Variants in SHBG observed in about 807,000 individuals in gnomAD.
SHBG encodes sex hormone-binding globulin.
SHBG carries 37 observed loss-of-function variants against 41.9 expected under a neutral mutation model. The ratio of observed to expected loss-of-function variants is 0.88; its 90% CI spans 0.68 to 1.16. SHBG has a LOEUF of 1.16. Among genes scored for constraint, SHBG ranks in the 50% most tolerant of loss-of-function variants. SHBG has a pLI of 0.00. For missense variants in SHBG, 466 were observed against 499.9 expected, an observed-to-expected ratio of 0.93 and a Z score of 0.65; for synonymous variants, 217 against 205.8, an observed-to-expected ratio of 1.05 and a Z score of -0.47.
chr17:7,625,929 T>C (rs1343797180), upstream of SHBG, among the ~76,000 whole-genome samples: 3 of 142,924 alleles, frequency 2.1e-5, no homozygotes, highest in Non-Finnish European at 4.6e-5. Flanking sequence ...TTGGACTGGG[T>C]GCAGTGGCTC....
At chr17:7,631,462 A>G (rs2072410627) in intron 4 of SHBG, 101 bp downstream of exon 4, 1 of 1,564,696 alleles carries the variant, frequency 6.4e-7, no homozygotes, top group South Asian at 1.1e-5. Context: ...GGAGAAGGGA[A>G]GGGTTGAGAG....
At chr17:7,616,706 G>A (rs2072000099) in intron 1 of SHBG, among the ~76,000 whole-genome samples, 1 of 152,064 alleles carries the variant, frequency 6.6e-6, no homozygotes, top group Non-Finnish European at 1.5e-5. Context: ...GGGAGGCCAA[G>A]ATGGGTGGAT....
chr17:7,614,427 G>C (rs896449474), intron 1 of SHBG: 9 of 1,499,944 alleles, frequency 6.0e-6, no homozygotes, highest in Non-Finnish European at 8.1e-6. Flanking sequence ...AAGGACCGGC[G>C]TCCCCAGTCG....
chr17:7,615,556 T>C (rs891975570), intron 1 of SHBG, among the ~76,000 whole-genome samples: 2 of 151,356 alleles, frequency 1.3e-5, no homozygotes, highest in Non-Finnish European at 2.9e-5. Flanking sequence ...ATCCCAGCGC[T>C]CTGGGAGGCC....
Position 7,633,185 on chromosome 17 carries a change from T to C in SHBG, c.1061-19T>C, listed in dbSNP as rs1421609612. On this transcript the variant is annotated intron_variant, in intron 7 of 7. Transcript: ENST00000380450. Reference sequence around the variant, plus strand: ...CCACCTTAATGCTCTAATGCCACCTTTGCACTACCTCCCTCTAGGAGAAGA... The same window carrying C: ...CCACCTTAATGCTCTAATGCCACCTCTGCACTACCTCCCTCTAGGAGAAGA... 3 of 1,613,914 alleles carry C rather than the reference T, an allele frequency of 1.9e-6. No homozygotes were observed. Among genetic ancestry groups the C allele is most frequent in the Non-Finnish European group, 2.5e-6 (3 of 1,179,956 alleles).
chr17:7,630,261 T>C lies in SHBG; in HGVS notation c.89T>C (p.Leu30Pro), dbSNP rs1276017706. The change falls in exon 1 of 8, where the codon CTG (leucine) becomes CCG (proline). Residue 30 changes from leucine to proline, a missense_variant. Transcript: ENST00000380450. The surrounding 1 kb of genome is among the most constrained non-coding windows in gnomAD (Gnocchi z 4.6). ...CGTCACACCCGCCAGGGATGGGCCCTGAGACCTGTTCTCCCCACCCAGGTG... is the reference window on the plus strand; with the variant it reads ...CGTCACACCCGCCAGGGATGGGCCCCGAGACCTGTTCTCCCCACCCAGGTG... ...LLRHTRQGWA[L>P]RPVLPTQSAH... The C allele has an allele frequency of 1.2e-6, 2 of 1,608,424 alleles. No individual in the cohort carries two copies. Among genetic ancestry groups the C allele is most frequent in the African/African-American group, 2.7e-5 (2 of 74,736 alleles).
chr17:7,616,451 C>CAAAAAAAAAAAAAAA (rs71159512), intron 1 of SHBG, among the ~76,000 whole-genome samples: 1 of 101,542 alleles, frequency 9.8e-6, no homozygotes, highest in Non-Finnish European at 1.8e-5. Context: ...ACTAAAAATA[C>CAAAAAAAAAAAAAAA]AAAAAAAAAA....
chr17:7,618,189 A>C (rs1185715895), intron 1 of SHBG, among the ~76,000 whole-genome samples: 4 of 151,830 alleles, frequency 2.6e-5, no homozygotes, highest in Non-Finnish European at 5.9e-5. Context: ...ACTGCACTAC[A>C]TACAGCCTGG....
Position 7,630,152 on chromosome 17 carries a change from C to A in SHBG, c.-21C>A. 1 of 1,599,046 alleles carries A rather than the reference C, an allele frequency of 6.3e-7. No individual in the cohort carries two copies. The highest frequency in any genetic ancestry group is 8.6e-7 in the Non-Finnish European group (1 of 1,166,470). ...ATTCTCCCAAGAGTTGTCTGAGCCG[C>A]CGAGTGGACAGTGGCTGATTATGGA... On this transcript the variant is annotated 5_prime_UTR_variant, in exon 1 of 8. Transcript: ENST00000380450. This position sits in a 1 kb window ranked among gnomAD's most constrained non-coding sequence, Gnocchi z 4.6.
intron 1 of SHBG, among the ~76,000 whole-genome samples, chr17:7,615,054 G>A (rs1314070602): frequency 1.3e-5 from 2 of 152,192 alleles, no homozygotes; most frequent in Non-Finnish European, 2.9e-5. Flanking sequence ...GCTAGCGCTT[G>A]CGCAGAACAA....
intron 1 of SHBG, chr17:7,614,260 A>C: frequency 1.5e-6 from 1 of 679,138 alleles, no homozygotes. Context: ...CAGGTGCCTT[A>C]GAGGGGTCAA....
At chr17:7,627,724 G>A (rs758065071), upstream of SHBG, 6 of 1,456,014 alleles carry the variant, frequency 4.1e-6, no homozygotes, top group East Asian at 4.6e-5. The surrounding 1 kb of genome is among the most constrained non-coding windows in gnomAD (Gnocchi z 4.8). Flanking sequence ...GGATCCTGAA[G>A]AGCCTGAGAG....
rs143434056 is a variant in SHBG, at chr17:7,632,104, G to C, written c.852+89G>C. The C allele has an allele frequency of 4.8e-3, 6,514 of 1,368,880 alleles. 178 individuals carry two copies. The Admixed American group carries it at 0.068, about 14-fold the overall frequency. 84.8% of individuals were successfully genotyped at this position (1,368,880 alleles called of 1,614,324 possible). ...GAGTCCAACATGTCAATATTAGGAA[G>C]GTTTCCAGCCCAGGGAACATAACAA... On this transcript the variant is annotated intron_variant, in intron 6 of 7. Transcript: ENST00000380450.
intron 1 of SHBG, among the ~76,000 whole-genome samples, chr17:7,621,638 C>A (rs1597898799): frequency 7.2e-6 from 1 of 139,308 alleles, no homozygotes; most frequent in African/African-American, 2.6e-5. Flanking sequence ...GCTGCATAAA[C>A]TGGTCTCAAA....
At chr17:7,616,556 C>T (rs889766472) in intron 1 of SHBG, among the ~76,000 whole-genome samples, 8 of 150,002 alleles carry the variant, frequency 5.3e-5, no homozygotes, top group African/African-American at 1.5e-4. Flanking sequence ...ACCCAGGAGG[C>T]GGAGGTTGCA....
In SHBG at chr17:7,631,418, G is replaced by A. The variant is rs1053683094; in HGVS notation, c.555+57G>A. The A allele has an allele frequency of 5.0e-6, 8 of 1,594,566 alleles. No individual in the cohort carries two copies. In the African/African-American group the frequency reaches 9.4e-5, roughly 19 times the overall value. ...AAGACTTGGTAAAGCACTGCTGGGT[G>A]GCTGGCCGTGGGAATCTAAGTCCAC... On this transcript the variant is annotated intron_variant, in intron 4 of 7. Coordinates refer to ENST00000380450, the MANE Select transcript of SHBG (RefSeq NM_001040.5).
At chr17:7,615,351 AAAG>A (rs927363227) in intron 1 of SHBG, among the ~76,000 whole-genome samples, 3 of 152,210 alleles carry the variant, frequency 2.0e-5, no homozygotes, top group African/African-American at 4.8e-5. Flanking sequence ...AAGAAAAAAA[AAAG>A]AAGAGGAGTC....
chr17:7,619,464 T>G (rs2072052060), intron 1 of SHBG, among the ~76,000 whole-genome samples: 1 of 149,804 alleles, frequency 6.7e-6, no homozygotes, highest in Admixed American at 6.7e-5. Context: ...TCCCAGCACT[T>G]TGGGAGGTCA....
In SHBG at chr17:7,630,278, A is replaced by G. The variant is rs761769667; in HGVS notation, c.106A>G (p.Thr36Ala). The change falls in exon 1 of 8, where the codon ACC becomes GCC. Residue 36 changes from threonine (T) to alanine (A), a missense_variant. By Grantham distance (58) the Thr-to-Ala change is moderately conservative. Coordinates refer to ENST00000380450, the MANE Select transcript of SHBG (RefSeq NM_001040.5). This position sits in a 1 kb window ranked among gnomAD's most constrained non-coding sequence, Gnocchi z 4.6. Reference protein sequence around the residue: ...QGWALRPVLPTQSAHDPPAVH... With the variant: ...QGWALRPVLPAQSAHDPPAVH... ...ATGGGCCCTGAGACCTGTTCTCCCCACCCAGGTGCAGGAGCGGGACAGGGC... is the reference window on the plus strand; with the variant it reads ...ATGGGCCCTGAGACCTGTTCTCCCCGCCCAGGTGCAGGAGCGGGACAGGGC... The G allele has an allele frequency of 6.2e-7, 1 of 1,607,910 alleles. No homozygotes were observed. Among genetic ancestry groups the G allele is most frequent in the Non-Finnish European group, 8.5e-7 (1 of 1,176,982 alleles).
Sources: gnomAD v4.1 joint callset for allele counts (sites outside exome capture counted in the v4.1 genomes callset) on GRCh38, gnomAD v4.1.1 for gene constraint, Gnocchi (gnomAD v3.1) non-coding constraint, MANE v1.5 for transcripts, NCBI Gene and HGNC (gene_info 2026-07-23, HGNC 2026-07-21) for gene names.